SLC4A10: variants seen among roughly 807,000 people sequenced by gnomAD.
SLC4A10 encodes the protein solute carrier family 4 member 10, also known as sodium-driven chloride bicarbonate exchanger.
A neutral mutation model predicts 137.7 loss-of-function variants in SLC4A10; 42 were observed. The ratio of observed to expected loss-of-function variants is 0.30; its 90% confidence interval spans 0.24 to 0.39. SLC4A10 has a LOEUF of 0.39. Among genes scored for constraint, SLC4A10 ranks in the 10% least tolerant of loss-of-function variants. The pLI is 1.00. For missense variants in SLC4A10, 925 were observed against 1,355.0 expected (o/e 0.68, Z 4.98); for synonymous variants, 474 against 464.1 (o/e 1.02, Z -0.27).
intron 12 of SLC4A10, 136 bp from the exon 13 acceptor site, chr2:161,903,868 T>C: frequency 1.2e-6 from 1 of 810,524 alleles, no homozygotes; most frequent in Non-Finnish European, 1.9e-6. Flanking sequence ...TATAAGACAA[T>C]GCAGCAGGTT....
At chr2:161,946,458 G>T (rs755752877) in intron 16 of SLC4A10, among the ~76,000 whole-genome samples, 3 of 151,964 alleles carry the variant, frequency 2.0e-5, no homozygotes, top group Non-Finnish European at 4.4e-5. Flanking sequence ...CTCTGTGTTT[G>T]TGATCAATCT....
At chr2:161,971,556 A>C (rs982679079) in intron 23 of SLC4A10, among the ~76,000 whole-genome samples, 2 of 152,214 alleles carry the variant, frequency 1.3e-5, no homozygotes, top group Non-Finnish European at 2.9e-5. Flanking sequence ...TAAGCTGGCA[A>C]CTACTCAGTT....
chr2:161,900,116 C>A (rs1025875288), intron 11 of SLC4A10, among the ~76,000 whole-genome samples: 1 of 151,966 alleles, frequency 6.6e-6, no homozygotes. Context: ...TTGGTGTGCT[C>A]TAAGATCACC....
At chr2:161,670,352 C>T (rs1259731765) in intron 1 of SLC4A10, among the ~76,000 whole-genome samples, 1 of 150,488 alleles carries the variant, frequency 6.6e-6, no homozygotes, top group Non-Finnish European at 1.5e-5. Flanking sequence ...ATGCTCTAGG[C>T]ATTGGATATA....
At chr2:161,975,183 C>T (rs4340536) in intron 24 of SLC4A10, among the ~76,000 whole-genome samples, 1 of 152,034 alleles carries the variant, frequency 6.6e-6, no homozygotes, top group African/African-American at 2.4e-5. Context: ...GGGGGCACAA[C>T]TATAAGATGT....
chr2:161,936,479 T>C (rs191070463), intron 15 of SLC4A10, among the ~76,000 whole-genome samples: 2 of 152,296 alleles, frequency 1.3e-5, no homozygotes, highest in East Asian at 3.9e-4. Context: ...ATTGGTCTGT[T>C]CAGATCTTCT....
At chr2:161,805,246 A>G (rs912638930) in intron 3 of SLC4A10, among the ~76,000 whole-genome samples, 6 of 152,132 alleles carry the variant, frequency 3.9e-5, no homozygotes, top group Admixed American at 2.6e-4. Context: ...TCATTATTCA[A>G]TTAACTCCCA....
chr2:161,947,536 T>C (rs369700982), intron 16 of SLC4A10, 30 bp from the exon 17 acceptor site: 3 of 1,599,710 alleles, frequency 1.9e-6, no homozygotes, highest in South Asian at 2.3e-5. Flanking sequence ...TTTTTCTTAG[T>C]AGCTCCATTT....
rs1309641109 is a variant in SLC4A10 at position 161,689,646 on chromosome 2, A to C, written c.48+65080A>C. The stretch of plus-strand genomic sequence containing the variant: ...AGTGAGGCTGTACTTCATGTAATTA[A>C]TACTGTAATTAATATTTGGAAATCA... On this transcript the variant is annotated intron_variant, in intron 1 of 26. Coordinates refer to ENST00000446997, the MANE Select transcript of SLC4A10 (RefSeq NM_001178015.2). Among the ~76,000 whole-genome samples the C allele has an allele frequency of 2.6e-5, 4 of 152,176 alleles. No individual in the cohort carries two copies. In the East Asian group the frequency reaches 7.7e-4, roughly 29 times the overall value.
chr2:161,869,747 G>T (rs750885341), intron 6 of SLC4A10, among the ~76,000 whole-genome samples: 4 of 151,548 alleles, frequency 2.6e-5, no homozygotes, highest in Admixed American at 6.6e-5. Context: ...GATTTGAAGT[G>T]CTACTTAAAC....
rs949495076 is a variant in SLC4A10 at position 161,977,873 on chromosome 2, G to C, written c.*26+113G>C. ...CTGTGTGAGTTTTGGGGAGGCAAAAGGCATGGAGAGTGTTGGGCTCAGATC... is the reference window on the plus strand; with the variant it reads ...CTGTGTGAGTTTTGGGGAGGCAAAACGCATGGAGAGTGTTGGGCTCAGATC... On this transcript the variant is annotated intron_variant, in intron 26 of 26. Transcript: ENST00000446997. 13 of 893,346 alleles carry C rather than the reference G, an allele frequency of 1.5e-5. No individual in the cohort carries two copies. In the Admixed American group the frequency reaches 3.8e-4, roughly 26 times the overall value. The allele number at this position is 893,346 out of a possible 1,614,324, so 55.3% of individuals were successfully genotyped here. A position where few individuals can be genotyped will look rare whatever the true frequency, so the allele number is the denominator to read the frequency against.
rs529562075 is a variant in SLC4A10, at chr2:161,657,382, T to C, written c.48+32816T>C. On this transcript the variant is annotated intron_variant, in intron 1 of 26. Coordinates refer to ENST00000446997, the MANE Select transcript of SLC4A10 (RefSeq NM_001178015.2). Reference sequence around the variant, plus strand: ...TTCTTTTATTTTCTACTACACCATGTAAAATTCGTAAAATTAAAGTGTTTC... The same window carrying C: ...TTCTTTTATTTTCTACTACACCATGCAAAATTCGTAAAATTAAAGTGTTTC... Among the ~76,000 whole-genome samples, 4 of 152,180 alleles carry C rather than the reference T, an allele frequency of 2.6e-5. No individual in the cohort carries two copies. The South Asian group carries it at 8.3e-4, about 32-fold the overall frequency.
chr2:161,981,009 A>G (rs1700147433), intron 26 of SLC4A10, among the ~76,000 whole-genome samples: 1 of 152,258 alleles, frequency 6.6e-6, no homozygotes, highest in Admixed American at 6.5e-5. Flanking sequence ...TTTCTGCTTC[A>G]TAGTTTGCTG....
At chr2:161,637,099 A>T (rs1466287327) in intron 1 of SLC4A10, among the ~76,000 whole-genome samples, 1 of 125,488 alleles carries the variant, frequency 8.0e-6, no homozygotes, top group East Asian at 2.6e-4. Flanking sequence ...ATATACGTAT[A>T]TACGTATTTA....
intron 8 of SLC4A10, among the ~76,000 whole-genome samples, chr2:161,877,781 A>G (rs1575412415): frequency 1.3e-5 from 2 of 152,142 alleles, no homozygotes; most frequent in Non-Finnish European, 2.9e-5. Flanking sequence ...AGATATTTTT[A>G]TAGGCAGTTT....
chr2:161,950,288 A>C (rs1575804613), intron 18 of SLC4A10, among the ~76,000 whole-genome samples: 3 of 152,090 alleles, frequency 2.0e-5, no homozygotes, highest in Non-Finnish European at 4.4e-5. Context: ...TGTAAATTTC[A>C]ATACATTTTC....
At chr2:161,685,177 G>C (rs1197215817) in intron 1 of SLC4A10, among the ~76,000 whole-genome samples, 3 of 152,114 alleles carry the variant, frequency 2.0e-5, no homozygotes, top group Admixed American at 2.0e-4. Flanking sequence ...AGCACTACTG[G>C]ATAGGCCAGT....
At chr2:161,921,220 C>T (rs1314023649) in intron 15 of SLC4A10, among the ~76,000 whole-genome samples, 1 of 152,214 alleles carries the variant, frequency 6.6e-6, no homozygotes, top group African/African-American at 2.4e-5. Flanking sequence ...ACCTATGTTT[C>T]TTTCTCTCTC....
Position 161,950,818 on chromosome 2 carries a change from C to A in SLC4A10, c.2511C>A (p.Val837=). The A allele has an allele frequency of 6.2e-7, 1 of 1,605,484 alleles. No individual in the cohort carries two copies. Among genetic ancestry groups the A allele is most frequent in the South Asian group, 1.1e-5 (1 of 89,512 alleles). ...LIFMDQQITA[V]IINRKEHKLK... is the part of the protein sequence containing the mutation. ...TTATGGACCAACAGATTACAGCTGT[C>A]ATCATCAACAGGAAAGAGCATAAGC... The change falls in exon 19 of 27, where the codon GTC becomes GTA. Residue 837 remains valine, a synonymous_variant. Transcript: ENST00000446997.
Sources: gnomAD v4.1 joint callset for allele counts (sites outside exome capture counted in the v4.1 genomes callset) on GRCh38, gnomAD v4.1.1 for gene constraint, MANE v1.5 for transcripts, NCBI Gene and HGNC (gene_info 2026-07-23, HGNC 2026-07-21) for gene names.